The following ANKRD26 variants were observed in gnomAD, a reference collection of about 807,000 sequenced individuals.
ANKRD26 encodes ankyrin repeat domain-containing protein 26.
In ANKRD26, 141 loss-of-function variants were observed where a neutral mutation model predicts 208.7. The ratio of observed to expected loss-of-function variants is 0.68; its 90% CI spans 0.59 to 0.78. The LOEUF (loss-of-function observed/expected upper bound fraction) is 0.78. ANKRD26 is among the 30% of genes least tolerant of loss of function. The pLI is 0.00. For synonymous variants in ANKRD26, 636 were observed against 660.4 expected (o/e 0.96, Z 0.57); for missense variants, 1,889 against 1,938.7 (o/e 0.97, Z 0.48).
At chr10:26,968,309 G>A in the ANKRD26 span, among the ~76,000 whole-genome samples, 2 of 151,964 alleles carry the variant, frequency 1.3e-5, no homozygotes, top group African/African-American at 4.8e-5. Flanking sequence ...CACTTATTGG[G>A]TCACTTCTGG....
chr10:26,979,711 A>T (rs2052279292), intron 5 of ANKRD26, among the ~76,000 whole-genome samples: 1 of 152,142 alleles, frequency 6.6e-6, no homozygotes, highest in South Asian at 2.1e-4. Context: ...GAAACCCTTT[A>T]ACTTCCTCAG....
intron 32 of ANKRD26, among the ~76,000 whole-genome samples, chr10:27,007,471 T>C (rs2052929196): frequency 2.0e-5 from 3 of 152,090 alleles, no homozygotes; most frequent in South Asian, 2.1e-4. Context: ...CTGGGCAACA[T>C]AGTGAAATCC....
chr10:26,954,896 T>C, the ANKRD26 span, among the ~76,000 whole-genome samples: 2 of 151,144 alleles, frequency 1.3e-5, no homozygotes, highest in Admixed American at 1.3e-4. Flanking sequence ...TTCTAAACTT[T>C]TAGCTTTGTG....
the ANKRD26 span, among the ~76,000 whole-genome samples, chr10:26,951,207 G>T: frequency 4.6e-5 from 7 of 152,004 alleles, no homozygotes; most frequent in African/African-American, 1.7e-4. Context: ...TGAAAGAAAT[G>T]ATGGGTCACT....
chr10:27,065,165 C>T (rs2055195121), intron 11 of ANKRD26, among the ~76,000 whole-genome samples: 1 of 152,146 alleles, frequency 6.6e-6, no homozygotes, highest in African/African-American at 2.4e-5. Context: ...ATTTTGATCC[C>T]CATCCTAACT....
chr10:27,026,810 T>TG (rs1435761700), intron 27 of ANKRD26, among the ~76,000 whole-genome samples: 1 of 152,112 alleles, frequency 6.6e-6, no homozygotes, highest in African/African-American at 2.4e-5. Flanking sequence ...TTTTAGTTTT[T>TG]TTTTTTGAGA....
At position 27,040,122 on chromosome 10, in the gene ANKRD26, CTAA is replaced by C; in HGVS notation, c.2215_2217del (p.Leu739del). 3 of 1,612,640 alleles carry C rather than the reference CTAA, an allele frequency of 1.9e-6. No homozygotes were observed. The highest frequency in any genetic ancestry group is 2.5e-6 in the Non-Finnish European group (3 of 1,179,618). On this transcript the variant is annotated inframe_deletion, in exon 21 of 34. Transcript: ENST00000376087. ...AGTTCACAGTGATTTTTTTTAAGTT[CTAA>C]TAATCTTTCACATGAAAGAGCTGCA...
At chr10:26,990,876 G>A (rs2052474130), downstream of ANKRD26, among the ~76,000 whole-genome samples, 1 of 152,140 alleles carries the variant, frequency 6.6e-6, no homozygotes, top group South Asian at 2.1e-4. Context: ...CACTTTAATT[G>A]TAAGGAGAAA....
chr10:27,002,310 G>A (rs942713585), downstream of ANKRD26, among the ~76,000 whole-genome samples: 1 of 152,176 alleles, frequency 6.6e-6, no homozygotes, highest in Admixed American at 6.5e-5. Flanking sequence ...GCAGATTCTT[G>A]AACAACATCA....
chr10:27,043,346 T>G lies in ANKRD26; in HGVS notation c.2161+80A>C. The G allele has an allele frequency of 2.0e-6, 3 of 1,512,152 alleles. No individual in the cohort carries two copies. The South Asian group carries it at 3.4e-5, about 17-fold the overall frequency. The allele number at this position is 1,512,152 out of a possible 1,614,324, so 93.7% of individuals were successfully genotyped here. Reference sequence around the variant, plus strand: ...CAATGAAGCACTGCAAAATGTATGCTAAATGTACATACATTTATTACATTA... The same window carrying G: ...CAATGAAGCACTGCAAAATGTATGCGAAATGTACATACATTTATTACATTA... On this transcript the variant is annotated intron_variant, in intron 20 of 33. Coordinates refer to ENST00000376087, the MANE Select transcript of ANKRD26 (RefSeq NM_014915.3).
chr10:27,095,483 C>T (rs1034234783), intron 1 of ANKRD26, among the ~76,000 whole-genome samples: 2 of 152,166 alleles, frequency 1.3e-5, no homozygotes, highest in African/African-American at 4.8e-5. Context: ...GCCTGACCAA[C>T]ATGGTAAAAC....
chr10:26,963,898 G>C, the ANKRD26 span, among the ~76,000 whole-genome samples: 7 of 115,364 alleles, frequency 6.1e-5, no homozygotes, highest in Non-Finnish European at 1.2e-4. Context: ...TTGGATGGTT[G>C]GTTGGTTTTT....
At chr10:27,042,102 T>C (rs991492688) in intron 20 of ANKRD26, among the ~76,000 whole-genome samples, 1 of 150,372 alleles carries the variant, frequency 6.7e-6, no homozygotes, top group Non-Finnish European at 1.5e-5. Context: ...CTCAGGAGCA[T>C]CTGTAGATCA....
In ANKRD26 at chr10:27,067,307, C is replaced by G. The variant is rs1388769625; in HGVS notation, c.1078-21G>C. The G allele has an allele frequency of 3.1e-6, 5 of 1,609,524 alleles. No individual in the cohort carries two copies. In the African/African-American group the frequency reaches 6.7e-5, roughly 22 times the overall value. On this transcript the variant is annotated intron_variant, in intron 9 of 33. Coordinates refer to ENST00000376087, the MANE Select transcript of ANKRD26 (RefSeq NM_014915.3). ...TCTTCCTATTAAAAACAAAAACAAA[C>G]AAACAAAAAACTTCAGAAAACACTG...
chr10:27,009,786 T>C (rs2053028190), intron 32 of ANKRD26, among the ~76,000 whole-genome samples: 1 of 152,166 alleles, frequency 6.6e-6, no homozygotes, highest in Admixed American at 6.5e-5. Context: ...TCTGTGGACT[T>C]TGTTTATTTC....
the ANKRD26 span, among the ~76,000 whole-genome samples, chr10:26,963,557 T>C: frequency 6.6e-6 from 1 of 152,130 alleles, no homozygotes; most frequent in African/African-American, 2.4e-5. Flanking sequence ...GCAGAGTAAG[T>C]ACAGGATCTT....
downstream of ANKRD26, among the ~76,000 whole-genome samples, chr10:26,991,345 T>C (rs367921520): frequency 6.6e-6 from 1 of 152,118 alleles, no homozygotes; most frequent in African/African-American, 2.4e-5. Flanking sequence ...AAATTAAGGA[T>C]GTGTGCCCAG....
the ANKRD26 span, among the ~76,000 whole-genome samples, chr10:26,951,338 G>A: frequency 1.3e-4 from 20 of 152,084 alleles, no homozygotes; most frequent in African/African-American, 4.8e-4. Context: ...GGGTACTTAC[G>A]TTATTTAATT....
the ANKRD26 span, among the ~76,000 whole-genome samples, chr10:26,958,525 C>T: frequency 6.6e-6 from 1 of 152,158 alleles, no homozygotes; most frequent in Non-Finnish European, 1.5e-5. Flanking sequence ...TCCATATGTT[C>T]TCAGACTAGC....
Sources: gnomAD v4.1 joint callset for allele counts (sites outside exome capture counted in the v4.1 genomes callset) on GRCh38, gnomAD v4.1.1 for gene constraint, MANE v1.5 for transcripts, NCBI Gene and HGNC (gene_info 2026-07-23, HGNC 2026-07-21) for gene names.